Variants in ZNF718 observed in about 807,000 individuals in gnomAD.
The protein encoded by ZNF718 is zinc finger protein 718.
ZNF718 carries 3 observed loss-of-function variants against 2.6 expected under a neutral mutation model. The observed-to-expected ratio is 1.16, with a 90% CI of 0.53 to 3.01. ZNF718 has a LOEUF of 3.01. Ranked by LOEUF, ZNF718 falls within the 30% of genes most tolerant of loss-of-function variation. The pLI is 0.03. For synonymous variants in ZNF718, 135 were observed against 77.9 expected (o/e 1.73, Z -3.86); for missense variants, 468 against 230.0 (o/e 2.03, Z -6.69).
At chr4:201,100 T>C (rs991945882) in exon 4 of ZNF718, 1 of 152,208 alleles carries the variant, frequency 6.6e-6, no homozygotes. Flanking sequence ...GGAAAAGATA[T>C]CTTCATTAAA....
At chr4:185,715 CTT>C (rs1270897519) in intron 3 of ZNF718, among the ~76,000 whole-genome samples, 1 of 152,156 alleles carries the variant, frequency 6.6e-6, no homozygotes, top group Non-Finnish European at 1.5e-5. Flanking sequence ...ATAGTTCACT[CTT>C]TTTGTTGAAT....
chr4:137,949 C>G (rs1377344870), intron 3 of ZNF718, among the ~76,000 whole-genome samples: 1 of 152,094 alleles, frequency 6.6e-6, no homozygotes, highest in Non-Finnish European at 1.5e-5. Flanking sequence ...ATGCTTCTTA[C>G]ATTTAAATAT....
intron 3 of ZNF718, among the ~76,000 whole-genome samples, chr4:184,872 T>A (rs1717537175): frequency 6.6e-6 from 1 of 152,172 alleles, no homozygotes; most frequent in African/African-American, 2.4e-5. Flanking sequence ...TTTTATTATT[T>A]CTGATTGTGT....
Position 131,808 on chromosome 4 carries a change from G to A in ZNF718, c.226+303G>A, listed in dbSNP as rs1471390935. On this transcript the variant is annotated intron_variant, in intron 3 of 3. Transcript: ENST00000510175. ...AGAATTGCTTAAAAACACAGGAGGCGGCCGAGGCGGGTGGATCATGAGGTC... is the reference window on the plus strand; with the variant it reads ...AGAATTGCTTAAAAACACAGGAGGCAGCCGAGGCGGGTGGATCATGAGGTC... Among the ~76,000 whole-genome samples, 4 of 97,392 alleles carry A rather than the reference G, an allele frequency of 4.1e-5. 1 individual carries two copies. The highest frequency in any genetic ancestry group is 1.1e-4 in the African/African-American group (3 of 27,628). The allele number at this position is 97,392 out of a possible 152,430, so 63.9% of individuals were successfully genotyped here. A position where few individuals can be genotyped will look rare whatever the true frequency, so the allele number is the denominator to read the frequency against.
intron 3 of ZNF718, among the ~76,000 whole-genome samples, chr4:182,435 T>G (rs112310878): frequency 0.23 from 35,071 of 149,916 alleles, 4,431 homozygotes; most frequent in Non-Finnish European, 0.29. Context: ...TATTTATTTA[T>G]TTATTTATTT....
Position 149,159 on chromosome 4 carries a change from A to G in ZNF718, c.227-11753A>G, listed in dbSNP as rs1358735233. On this transcript the variant is annotated intron_variant, in intron 3 of 3. Transcript: ENST00000510175. ...TATGTTTCACTTTCTGATATGTTCT[A>G]TGCCAAATTATCTGATTTCAAATTC... Among the ~76,000 whole-genome samples, 2 of 152,166 alleles carry G rather than the reference A, an allele frequency of 1.3e-5. 1 individual carries two copies. Among genetic ancestry groups the G allele is most frequent in the South Asian group, 4.1e-4 (2 of 4,834 alleles).
intron 3 of ZNF718, among the ~76,000 whole-genome samples, chr4:193,930 T>C (rs1717742847): frequency 6.6e-6 from 1 of 152,154 alleles, no homozygotes; most frequent in African/African-American, 2.4e-5. Flanking sequence ...ATTCAGACAA[T>C]CTTTTTTAAA....
chr4:142,178 C>T lies in ZNF718; in HGVS notation c.226+10673C>T, dbSNP rs1446746308. 6 of 361,408 alleles carry T rather than the reference C, an allele frequency of 1.7e-5. No homozygotes were observed. The East Asian group carries it at 4.3e-4, about 26-fold the overall frequency. 22.4% of individuals were successfully genotyped at this position (361,408 alleles called of 1,614,324 possible). ...GTGAAGCTAACCAGGGAGATTTCTC[C>T]CAAGAAGATGGCATCCTTGATGTAA... On this transcript the variant is annotated intron_variant, in intron 3 of 3. Coordinates refer to ENST00000510175, the MANE Select transcript of ZNF718 (RefSeq NM_001039127.6).
downstream of ZNF718, among the ~76,000 whole-genome samples, chr4:168,307 T>G (rs1717137339): frequency 6.6e-6 from 1 of 152,166 alleles, no homozygotes; most frequent in African/African-American, 2.4e-5. Context: ...TGGTCTAAAA[T>G]TCTCTTTTTT....
intron 3 of ZNF718, among the ~76,000 whole-genome samples, chr4:178,441 A>C (rs1366336895): frequency 6.6e-6 from 1 of 152,020 alleles, no homozygotes; most frequent in Non-Finnish European, 1.5e-5. Flanking sequence ...ACCCAGCCAT[A>C]TTTGATTTTT....
intron 3 of ZNF718, among the ~76,000 whole-genome samples, chr4:193,025 G>A (rs1281902153): frequency 6.6e-6 from 1 of 152,176 alleles, no homozygotes; most frequent in African/African-American, 2.4e-5. Flanking sequence ...GTTAGCTGCA[G>A]GCAAAAGTAT....
chr4:181,158 CT>C (rs782164295), intron 3 of ZNF718, among the ~76,000 whole-genome samples: 996 of 51,042 alleles, frequency 0.02, no homozygotes, highest in African/African-American at 0.034. Flanking sequence ...CAGTGCCCAG[CT>C]TTTTTTTTTT....
chr4:198,132 G>T (rs1162357841), intron 3 of ZNF718, among the ~76,000 whole-genome samples: 1 of 152,154 alleles, frequency 6.6e-6, no homozygotes, highest in Non-Finnish European at 1.5e-5. Flanking sequence ...AGCTGCAGAA[G>T]ATGCCATAGA....
At chr4:181,698 G>T (rs1717468374) in intron 3 of ZNF718, among the ~76,000 whole-genome samples, 1 of 151,900 alleles carries the variant, frequency 6.6e-6, no homozygotes, top group Non-Finnish European at 1.5e-5. Context: ...ACATATGCAG[G>T]ATGTGTGGGC....
chr4:168,077 C>G (rs1369524818), downstream of ZNF718, among the ~76,000 whole-genome samples: 1 of 152,130 alleles, frequency 6.6e-6, no homozygotes, highest in Non-Finnish European at 1.5e-5. Context: ...TGAATGTTTT[C>G]AAAGGCCTTT....
chr4:153,558 G>GTGTTTCATTTC (rs1553813040), intron 3 of ZNF718, among the ~76,000 whole-genome samples: 2 of 52,878 alleles, frequency 3.8e-5, no homozygotes, highest in Admixed American at 2.6e-4. Context: ...AAATCTTTCA[G>GTGTTTCATTTC]TTTTTCATAT....
intron 3 of ZNF718, among the ~76,000 whole-genome samples, chr4:144,176 A>G (rs1017135772): frequency 6.6e-6 from 1 of 152,216 alleles, no homozygotes; most frequent in Non-Finnish European, 1.5e-5. Context: ...TCGAGCCCCT[A>G]TGCTCGGGCC....
chr4:166,425 A>G (rs1208200689), downstream of ZNF718, among the ~76,000 whole-genome samples: 2 of 152,194 alleles, frequency 1.3e-5, no homozygotes, highest in Non-Finnish European at 1.5e-5. Flanking sequence ...GAATCGCCAC[A>G]TTGACTTCCA....
intron 3 of ZNF718, among the ~76,000 whole-genome samples, chr4:158,879 T>C (rs1716693785): frequency 8.2e-6 from 1 of 122,044 alleles, no homozygotes; most frequent in Non-Finnish European, 1.7e-5. Flanking sequence ...CAGTGAAAGA[T>C]ACTTTCTTTA....
Sources: allele counts gnomAD v4.1 joint callset (sites outside exome capture counted in the v4.1 genomes callset), GRCh38; gene constraint gnomAD v4.1.1; transcripts MANE v1.5; gene names NCBI Gene and HGNC (gene_info 2026-07-23, HGNC 2026-07-21).